The following NGF variants were observed in gnomAD, a reference collection of about 807,000 sequenced individuals.
NGF encodes the protein beta-nerve growth factor.
NGF carries 4 observed loss-of-function variants against 12.8 expected under a neutral mutation model. That is an observed-to-expected ratio of 0.31 (90% CI 0.15 to 0.72). NGF has a LOEUF of 0.72. NGF is among the 30% of genes least tolerant of loss of function. The pLI, the probability that NGF is intolerant of heterozygous loss-of-function variation, is 0.69. For missense variants in NGF, 283 were observed against 330.8 expected (o/e 0.86, Z 1.12); for synonymous variants, 140 against 130.0 (o/e 1.08, Z -0.52).
rs750539380 is a variant in NGF, at chr1:115,286,109, A to G, written c.687T>C (p.Cys229=). ...CAGCCTTCCTGCTGAGCACACACAC[A>G]CAGGCCGTATCTATCCGGATAAACC... ...AWRFIRIDTA[C]VCVLSRKAVR... Residue 229 remains cysteine (C), a synonymous_variant, in exon 3 of 3, where the codon TGT becomes TGC. Transcript: ENST00000369512. 1.2e-6 allele frequency: 2 copies of G among 1,613,660 alleles called. No homozygotes were observed. The highest frequency in any genetic ancestry group is 1.7e-6 in the Non-Finnish European group (2 of 1,179,784).
intron 1 of NGF, among the ~76,000 whole-genome samples, chr1:115,296,918 C>T (rs1653890202): frequency 6.6e-6 from 1 of 152,164 alleles, no homozygotes; most frequent in African/African-American, 2.4e-5. Context: ...ATCACTTAAA[C>T]AGAAATCAGC....
In NGF at chr1:115,286,475, G is replaced by A. The variant is rs202005277; in HGVS notation, c.321C>T (p.Val107=). The change falls in exon 3 of 3, where the codon GTC becomes GTT. Residue 107 remains valine (V), a synonymous_variant. Coordinates refer to ENST00000369512, the MANE Select transcript of NGF (RefSeq NM_002506.3). ...TCCTGTTGAAGGGGGCAGCACCACC[G>A]ACCTCGAAGTCCAGATCCTGAGTGT... ...AADTQDLDFE[V]GGAAPFNRTH... 2.9e-5 allele frequency: 46 copies of A among 1,613,798 alleles called. No homozygotes were observed. The highest frequency in any genetic ancestry group is 1.1e-5 in the Non-Finnish European group (13 of 1,179,940).
Position 115,333,755 on chromosome 1 carries a change from T to TC in NGF, c.-137+4448dup, listed in dbSNP as rs200757360. On this transcript the variant is annotated intron_variant, in intron 1 of 2. Coordinates refer to ENST00000369512, the MANE Select transcript of NGF (RefSeq NM_002506.3). ...CTTTCTTTCTTTCTTCCTTCCTCCC[T>TC]CCCCCCTCTCTCTCTTTCTTCATTC... Among the ~76,000 whole-genome samples, 71 of 104,476 alleles carry TC rather than the reference T, an allele frequency of 6.8e-4. 4 individuals carry two copies. Among genetic ancestry groups the TC allele is most frequent in the African/African-American group, 1.3e-3 (23 of 17,678 alleles). 68.5% of individuals were successfully genotyped at this position (104,476 alleles called of 152,430 possible).
chr1:115,285,946 C>A lies in NGF; in HGVS notation c.*124G>T. The A allele has an allele frequency of 7.5e-7, 1 of 1,342,222 alleles. No homozygotes were observed. Among genetic ancestry groups the A allele is most frequent in the Non-Finnish European group, 9.9e-7 (1 of 1,007,936 alleles). 83.1% of individuals were successfully genotyped at this position (1,342,222 alleles called of 1,614,324 possible). A position where few individuals can be genotyped will look rare whatever the true frequency, so the allele number is the denominator to read the frequency against. On this transcript the variant is annotated 3_prime_UTR_variant, in exon 3 of 3. Transcript: ENST00000369512. Reference sequence around the variant, plus strand: ...TCCAAAAATTTAATAAATAATGATTCTTTAAAACTGTATAAACTATAAATT... The same window carrying A: ...TCCAAAAATTTAATAAATAATGATTATTTAAAACTGTATAAACTATAAATT...
At chr1:115,289,179 T>C (rs1000090354) in intron 2 of NGF, among the ~76,000 whole-genome samples, 2 of 152,214 alleles carry the variant, frequency 1.3e-5, no homozygotes, top group Non-Finnish European at 1.5e-5. Flanking sequence ...AATATTCAGT[T>C]GGCAGCAAAT....
intron 1 of NGF, among the ~76,000 whole-genome samples, chr1:115,302,335 A>C (rs1654061410): frequency 6.6e-6 from 1 of 152,154 alleles, no homozygotes; most frequent in African/African-American, 2.4e-5. Context: ...TGAGCACTAA[A>C]AGTGTACATA....
intron 1 of NGF, among the ~76,000 whole-genome samples, chr1:115,333,659 TTC>T (rs1491473360): frequency 1.9e-4 from 2 of 10,738 alleles, no homozygotes; most frequent in Admixed American, 1.4e-3. Context: ...TTCTTTCTCT[TTC>T]TTTCTTTCTT....
rs140237892 is a variant in NGF at position 115,302,076 on chromosome 1, T to A, written c.-136-8326A>T. Among the ~76,000 whole-genome samples the A allele has an allele frequency of 3.0e-3, 451 of 152,306 alleles. 1 individual carries two copies. Among genetic ancestry groups the A allele is most frequent in the African/African-American group, 0.01 (422 of 41,568 alleles). ...TGTCCCAGTGTAGGCACTTAATGAA[T>A]GTTTATTGAAAGGAATTGAAGACTC... On this transcript the variant is annotated intron_variant, in intron 1 of 2. Coordinates refer to ENST00000369512, the MANE Select transcript of NGF (RefSeq NM_002506.3).
At chr1:115,303,829 T>C (rs977068235) in intron 1 of NGF, among the ~76,000 whole-genome samples, 31 of 152,218 alleles carry the variant, frequency 2.0e-4, no homozygotes, top group Non-Finnish European at 1.9e-4. Context: ...AGGCAGAAGA[T>C]AGCTGAGCCT....
intron 2 of NGF, among the ~76,000 whole-genome samples, chr1:115,289,067 A>T (rs1475271492): frequency 6.6e-6 from 1 of 152,222 alleles, no homozygotes; most frequent in East Asian, 1.9e-4. Flanking sequence ...TCTCCAGCTG[A>T]CCATGCAAAG....
intron 2 of NGF, among the ~76,000 whole-genome samples, chr1:115,287,755 T>C (rs1424965208): frequency 6.6e-6 from 1 of 152,182 alleles, no homozygotes; most frequent in African/African-American, 2.4e-5. Context: ...TGTCTTTTCT[T>C]TTTATTGTTT....
intron 2 of NGF, among the ~76,000 whole-genome samples, chr1:115,287,814 G>T (rs559589091): frequency 6.6e-6 from 1 of 152,224 alleles, no homozygotes; most frequent in Admixed American, 6.5e-5. Context: ...CTGTCCCCAA[G>T]AGGACTCCAT....
chr1:115,314,855 C>T (rs553997904), intron 1 of NGF, among the ~76,000 whole-genome samples: 104 of 152,210 alleles, frequency 6.8e-4, no homozygotes, highest in Non-Finnish European at 1.1e-3. Context: ...AGGAAATGTC[C>T]GTTGGTGATA....
At chr1:115,308,775 A>G (rs915440431) in intron 1 of NGF, among the ~76,000 whole-genome samples, 1 of 152,218 alleles carries the variant, frequency 6.6e-6, no homozygotes, top group African/African-American at 2.4e-5. Flanking sequence ...GAGAGAAAGA[A>G]AGAGTGAAAA....
At chr1:115,320,262 CTA>C (rs1654581710) in intron 1 of NGF, among the ~76,000 whole-genome samples, 1 of 152,130 alleles carries the variant, frequency 6.6e-6, no homozygotes, top group African/African-American at 2.4e-5. Context: ...CCTATATACA[CTA>C]TGTTTTTTTC....
intron 1 of NGF, among the ~76,000 whole-genome samples, chr1:115,298,877 A>G (rs547535334): frequency 5.9e-4 from 89 of 151,982 alleles, no homozygotes; most frequent in Non-Finnish European, 1.1e-3. Context: ...TCTTAGATTA[A>G]GGATGTGTTG....
intron 1 of NGF, among the ~76,000 whole-genome samples, chr1:115,319,736 C>T (rs1654566898): frequency 6.6e-6 from 1 of 152,204 alleles, no homozygotes; most frequent in South Asian, 2.1e-4. Flanking sequence ...ACCATGCCCT[C>T]AGCTGGGCAC....
chr1:115,314,367 G>A (rs924683569), intron 1 of NGF, among the ~76,000 whole-genome samples: 2 of 152,154 alleles, frequency 1.3e-5, no homozygotes, highest in Non-Finnish European at 2.9e-5. Context: ...ATCACACAAA[G>A]CTCTATTTGT....
chr1:115,287,310 A>G (rs1653542842), intron 2 of NGF, among the ~76,000 whole-genome samples: 1 of 152,136 alleles, frequency 6.6e-6, no homozygotes, highest in African/African-American at 2.4e-5. Flanking sequence ...GAAGCCTCAG[A>G]ACTGGGTACC....
Sources: allele counts gnomAD v4.1 joint callset (sites outside exome capture counted in the v4.1 genomes callset), GRCh38; gene constraint gnomAD v4.1.1; transcripts MANE v1.5; gene names NCBI Gene and HGNC (gene_info 2026-07-23, HGNC 2026-07-21).